The following HNRNPR variants were observed in gnomAD, a reference collection of about 807,000 sequenced individuals.
HNRNPR encodes the protein heterogeneous nuclear ribonucleoprotein R.
In HNRNPR, 4 loss-of-function variants were observed where a neutral mutation model predicts 70.3. That is an observed-to-expected ratio of 0.06 (90% confidence interval 0.03 to 0.13). The LOEUF (loss-of-function observed/expected upper bound fraction) is 0.13, where lower values mean the gene tolerates loss of function less well. Ranked by LOEUF, HNRNPR falls within the 10% of genes least tolerant of loss-of-function variation. The probability of loss-of-function intolerance (pLI) is 1.00; values close to 1 mark genes in which losing one functional copy is unlikely to be tolerated. For synonymous variants in HNRNPR, 241 were observed against 267.6 expected (o/e 0.90, Z 0.97); for missense variants, 423 against 788.5 (o/e 0.54, Z 5.55).
At chr1:23,315,302 A>AAAAC (rs1645496585) in intron 8 of HNRNPR, among the ~76,000 whole-genome samples, 4 of 127,152 alleles carry the variant, frequency 3.1e-5, no homozygotes, top group Admixed American at 8.0e-5. Flanking sequence ...AAAAAAAAAA[A>AAAAC]AAACAAAAAC....
At chr1:23,324,494 G>A (rs1645883904) in intron 5 of HNRNPR, among the ~76,000 whole-genome samples, 1 of 152,052 alleles carries the variant, frequency 6.6e-6, no homozygotes, top group South Asian at 2.1e-4. Flanking sequence ...CGTGAGCCCG[G>A]GAGGTGGAGC....
At chr1:23,334,007 G>A (rs1354305400) in intron 4 of HNRNPR, among the ~76,000 whole-genome samples, 5 of 150,898 alleles carry the variant, frequency 3.3e-5, no homozygotes, top group Non-Finnish European at 5.9e-5. Context: ...TCTGCCTCCC[G>A]GGTCTAAGAG....
chr1:23,328,522 T>A (rs974313368), intron 5 of HNRNPR, among the ~76,000 whole-genome samples: 3 of 152,192 alleles, frequency 2.0e-5, no homozygotes, highest in Non-Finnish European at 2.9e-5. Context: ...GTTTTTGAGA[T>A]GGAGTCTTGC....
chr1:23,331,664 G>A (rs1249905142), intron 5 of HNRNPR, among the ~76,000 whole-genome samples: 1 of 151,414 alleles, frequency 6.6e-6, no homozygotes, highest in East Asian at 1.9e-4. Flanking sequence ...TCCAGCCTGG[G>A]CAACAAGAGC....
chr1:23,312,884 T>C (rs1645388987), intron 9 of HNRNPR, among the ~76,000 whole-genome samples: 1 of 151,918 alleles, frequency 6.6e-6, no homozygotes, highest in Admixed American at 6.6e-5. Context: ...GAAGGAGAGA[T>C]GAATAAAAAA....
At chr1:23,341,968 T>A (rs1646720025) in intron 1 of HNRNPR, among the ~76,000 whole-genome samples, 1 of 152,218 alleles carries the variant, frequency 6.6e-6, no homozygotes, top group Non-Finnish European at 1.5e-5. Flanking sequence ...GTCTGTGTAC[T>A]GCCTCAAAAG....
At chr1:23,313,737 CTACT>C in intron 8 of HNRNPR, 35 bp from the exon 9 acceptor site, 1 of 1,585,536 alleles carries the variant, frequency 6.3e-7, no homozygotes, top group Non-Finnish European at 8.5e-7. Flanking sequence ...CCGTCATTGG[CTACT>C]TAATTTTACC....
rs776898902 is a variant in HNRNPR, at chr1:23,313,589, T to C, written c.1131A>G (p.Ala377=). The C allele has an allele frequency of 6.3e-7, 1 of 1,590,436 alleles. No homozygotes were observed. The highest frequency in any genetic ancestry group is 1.9e-5 in the Admixed American group (1 of 53,022). The part of the protein sequence containing the change: ...LERVKKLKDY[A]FVHFEDRGAA... The stretch of plus-strand genomic sequence containing the variant: ...CTCCTCTGTCTTCAAAATGAACAAA[T>C]GCATAATCTTTCAACTTCTTTACTC... Residue 377 remains alanine (A), a synonymous_variant, in exon 9 of 11, where the codon GCA becomes GCG. Coordinates refer to ENST00000302271, the MANE Select transcript of HNRNPR (RefSeq NM_005826.5).
intron 2 of HNRNPR, among the ~76,000 whole-genome samples, chr1:23,339,608 T>C (rs537155036): frequency 4.9e-4 from 75 of 152,326 alleles, no homozygotes; most frequent in African/African-American, 1.7e-3. Context: ...TGACTCCATT[T>C]TGATAAAGCT....
rs571717424 is a variant in HNRNPR at position 23,334,981 on chromosome 1, G to A, written c.385-1350C>T. On this transcript the variant is annotated intron_variant, in intron 4 of 10. Coordinates refer to ENST00000302271, the MANE Select transcript of HNRNPR (RefSeq NM_005826.5). ...CGCTCAGGCTGGAGTGCAGTGGCGC[G>A]ATCTTGGCTCACTGCAAGCTCCGCC... is the stretch of plus-strand genomic sequence containing the variant. Among the ~76,000 whole-genome samples, 4 of 151,954 alleles carry A rather than the reference G, an allele frequency of 2.6e-5. No individual in the cohort carries two copies. In the South Asian group the frequency reaches 6.2e-4, roughly 24 times the overall value.
At chr1:23,324,907 G>C (rs1418307620) in intron 5 of HNRNPR, among the ~76,000 whole-genome samples, 3 of 152,124 alleles carry the variant, frequency 2.0e-5, no homozygotes, top group Admixed American at 2.0e-4. Flanking sequence ...TTGGGAGGCT[G>C]AGGCGGGCGG....
chr1:23,313,985 CA>C (rs2148326381), intron 8 of HNRNPR, among the ~76,000 whole-genome samples: 1 of 152,188 alleles, frequency 6.6e-6, no homozygotes, highest in East Asian at 1.9e-4. Flanking sequence ...AGTTAATCAA[CA>C]AAAAGTCCCT....
At chr1:23,319,301 T>C (rs559088353) in intron 7 of HNRNPR, among the ~76,000 whole-genome samples, 3 of 152,224 alleles carry the variant, frequency 2.0e-5, no homozygotes, top group Non-Finnish European at 4.4e-5. Flanking sequence ...TCTTACCCGA[T>C]GTATCCTCTT....
At chr1:23,330,854 A>G (rs112140029) in intron 5 of HNRNPR, among the ~76,000 whole-genome samples, 5 of 152,226 alleles carry the variant, frequency 3.3e-5, no homozygotes, top group Non-Finnish European at 4.4e-5. Context: ...TCAAGACCTA[A>G]AAATGTTTAA....
chr1:23,321,105 G>T (rs2148371185), intron 7 of HNRNPR, among the ~76,000 whole-genome samples: 1 of 144,462 alleles, frequency 6.9e-6, no homozygotes, highest in Admixed American at 7.2e-5. Flanking sequence ...GGAGGTTGCA[G>T]TGAGCCGAGA....
Position 23,306,595 on chromosome 1 carries a change from A to C in HNRNPR, c.*3859T>G, listed in dbSNP as rs962666906. The C allele has an allele frequency of 1.3e-5, 2 of 152,018 alleles. No individual in the cohort carries two copies. The highest frequency in any genetic ancestry group is 2.4e-5 in the African/African-American group (1 of 41,364). 9.4% of individuals were successfully genotyped at this position (152,018 alleles called of 1,614,324 possible). A position where few individuals can be genotyped will look rare whatever the true frequency, so the allele number is the denominator to read the frequency against. On this transcript the variant is annotated 3_prime_UTR_variant, in exon 11 of 11. Coordinates refer to ENST00000302271, the MANE Select transcript of HNRNPR (RefSeq NM_005826.5). ...CATCTGAAAATGATTAAAAAAACAA[A>C]AAAACAAAACAAAACAAAACAAAAC... is the stretch of plus-strand genomic sequence containing the variant.
intron 1 of HNRNPR, among the ~76,000 whole-genome samples, chr1:23,341,592 A>T (rs897665422): frequency 2.0e-5 from 3 of 152,172 alleles, no homozygotes; most frequent in African/African-American, 7.2e-5. Context: ...ACTTGACATT[A>T]ATTTTTGTTC....
rs550780211 is a variant in HNRNPR, at chr1:23,307,384, T to C, written c.*3070A>G. The C allele has an allele frequency of 6.6e-5, 10 of 152,124 alleles. No individual in the cohort carries two copies. Among genetic ancestry groups the C allele is most frequent in the African/African-American group, 2.4e-4 (10 of 41,552 alleles). 9.4% of individuals were successfully genotyped at this position (152,124 alleles called of 1,614,324 possible). ...AATTTATTTTTTTGCATGCTGACCTTTTTAAAAAGAATTCATCTCCTAAGT... is the reference window on the plus strand; with the variant it reads ...AATTTATTTTTTTGCATGCTGACCTCTTTAAAAAGAATTCATCTCCTAAGT... On this transcript the variant is annotated 3_prime_UTR_variant, in exon 11 of 11. Coordinates refer to ENST00000302271, the MANE Select transcript of HNRNPR (RefSeq NM_005826.5).
intron 5 of HNRNPR, among the ~76,000 whole-genome samples, 181 bp downstream of exon 5, chr1:23,333,337 A>G (rs1401740453): frequency 6.6e-6 from 1 of 152,212 alleles, no homozygotes; most frequent in Non-Finnish European, 1.5e-5. Context: ...TCGGGTATCT[A>G]CCAGTCACAA....
Sources: allele counts gnomAD v4.1 joint callset (sites outside exome capture counted in the v4.1 genomes callset), GRCh38; gene constraint gnomAD v4.1.1; transcripts MANE v1.5; gene names NCBI Gene and HGNC (gene_info 2026-07-23, HGNC 2026-07-21).